The following ELK3 variants were observed in gnomAD, a reference collection of about 807,000 sequenced individuals.
ELK3 encodes ETS domain-containing protein Elk-3.
In ELK3, 10 loss-of-function variants were observed where a neutral mutation model predicts 28.9. That is an observed-to-expected ratio of 0.35 (90% CI 0.21 to 0.59). The LOEUF (loss-of-function observed/expected upper bound fraction) is 0.59. Among genes scored for constraint, ELK3 ranks in the 20% least tolerant of loss-of-function variants. ELK3 has a pLI of 0.82. For missense variants in ELK3, 463 were observed against 517.3 expected, an observed-to-expected ratio of 0.90 and a Z score of 1.02; for synonymous variants, 272 against 243.5, an observed-to-expected ratio of 1.12 and a Z score of -1.09.
intron 1 of ELK3, among the ~76,000 whole-genome samples, chr12:96,222,495 G>C (rs1051754497): frequency 6.6e-6 from 1 of 152,216 alleles, no homozygotes; most frequent in Non-Finnish European, 1.5e-5. Context: ...TGAGTGCCGG[G>C]AAAGGGAAGG....
intron 2 of ELK3, among the ~76,000 whole-genome samples, chr12:96,227,690 C>T (rs1046702265): frequency 8.5e-5 from 13 of 152,306 alleles, no homozygotes; most frequent in Admixed American, 6.5e-4. Context: ...TGCTCCTCCT[C>T]AGAGTGTTCT....
chr12:96,231,805 C>T (rs1360021062), intron 2 of ELK3, among the ~76,000 whole-genome samples: 1 of 152,156 alleles, frequency 6.6e-6, no homozygotes, highest in Non-Finnish European at 1.5e-5. Context: ...ATTATACATC[C>T]ACCTCCAGTT....
intron 1 of ELK3, among the ~76,000 whole-genome samples, chr12:96,205,273 A>G (rs529258420): frequency 8.5e-4 from 130 of 152,358 alleles, no homozygotes; most frequent in Non-Finnish European, 1.4e-3. Flanking sequence ...ATGAACATAC[A>G]GAGAGGGGAC....
intron 3 of ELK3, among the ~76,000 whole-genome samples, chr12:96,257,117 C>T (rs1002586869): frequency 1.3e-5 from 2 of 152,208 alleles, no homozygotes; most frequent in Non-Finnish European, 1.5e-5. Flanking sequence ...TTTGCTGTGG[C>T]TTCTTTAGCC....
Position 96,222,307 on chromosome 12 carries a change from T to C in ELK3, c.-2-1258T>C, listed in dbSNP as rs528264241. 1.1e-4 allele frequency among the ~76,000 whole-genome samples: 16 copies of C among 152,290 alleles called. No homozygotes were observed. In the South Asian group the frequency reaches 3.1e-3, roughly 30 times the overall value. On this transcript the variant is annotated intron_variant, in intron 1 of 4. Coordinates refer to ENST00000228741, the MANE Select transcript of ELK3 (RefSeq NM_005230.4). ...TGGGTCACAATGGATGAGAAAGAGT[T>C]CACCAGGCTCCAAAGCTAAGGAACA...
intron 1 of ELK3, among the ~76,000 whole-genome samples, chr12:96,200,426 GATCTTAA>G (rs1195551960): frequency 1.3e-5 from 2 of 151,966 alleles, no homozygotes; most frequent in Non-Finnish European, 2.9e-5. Flanking sequence ...AAAATGCGCA[GATCTTAA>G]GTGTTATTGT....
chr12:96,236,617 C>T (rs531964746), intron 2 of ELK3, among the ~76,000 whole-genome samples: 33 of 152,252 alleles, frequency 2.2e-4, no homozygotes, highest in Non-Finnish European at 3.5e-4. Context: ...CTCCAAAGTT[C>T]GGCTTTGCAC....
intron 4 of ELK3, among the ~76,000 whole-genome samples, chr12:96,261,661 A>G (rs529913724): frequency 9.2e-4 from 140 of 152,242 alleles, no homozygotes; most frequent in African/African-American, 3.0e-3. Flanking sequence ...TTCTCTCCTT[A>G]CTGGGAATTC....
Position 96,268,294 on chromosome 12 carries a change from C to T in ELK3, c.*1114C>T, listed in dbSNP as rs1347884760. The T allele has an allele frequency of 6.6e-6, 1 of 151,578 alleles. No individual in the cohort carries two copies. The highest frequency in any genetic ancestry group is 1.5e-5 in the Non-Finnish European group (1 of 68,004). The allele number at this position is 151,578 out of a possible 1,614,324, so 9.4% of individuals were successfully genotyped here. A position where few individuals can be genotyped will look rare whatever the true frequency, so the allele number is the denominator to read the frequency against. On this transcript the variant is annotated 3_prime_UTR_variant, in exon 5 of 5. Transcript: ENST00000228741. ...AATAGAGAGTGGAGGTACTAAAGGCCTTGCTTGTGGAAACTGAGAGAGGAT... is the reference window on the plus strand; with the variant it reads ...AATAGAGAGTGGAGGTACTAAAGGCTTTGCTTGTGGAAACTGAGAGAGGAT...
In ELK3 at chr12:96,194,618, C is replaced by T. The variant is rs1204210285; in HGVS notation, c.-90C>T. ...TCTCATTACAAGAGCCACAGACCGT[C>T]TGCAGACGCCTGTCAGCATGGAAAG... On this transcript the variant is annotated 5_prime_UTR_variant, in exon 1 of 5. Coordinates refer to ENST00000228741, the MANE Select transcript of ELK3 (RefSeq NM_005230.4). 6.7e-6 allele frequency: 1 copy of T among 150,266 alleles called. No individual in the cohort carries two copies. The highest frequency in any genetic ancestry group is 2.4e-5 in the African/African-American group (1 of 41,216). The allele number at this position is 150,266 out of a possible 1,614,324, so 9.3% of individuals were successfully genotyped here.
chr12:96,264,031 C>T (rs535141325), intron 4 of ELK3, among the ~76,000 whole-genome samples: 3 of 152,268 alleles, frequency 2.0e-5, no homozygotes, highest in African/African-American at 4.8e-5. Context: ...GGCTGGAGTG[C>T]GGTGGCACAA....
At chr12:96,253,255 G>A (rs1319461972) in intron 3 of ELK3, among the ~76,000 whole-genome samples, 2 of 152,108 alleles carry the variant, frequency 1.3e-5, no homozygotes, top group African/African-American at 4.8e-5. Context: ...AGCGAAACTC[G>A]CATCTCACCA....
At chr12:96,266,524 A>G (rs1447125987) in intron 4 of ELK3, among the ~76,000 whole-genome samples, 3 of 152,210 alleles carry the variant, frequency 2.0e-5, no homozygotes, top group Non-Finnish European at 4.4e-5. Context: ...GATCTGTGTG[A>G]TATTTTAATT....
At chr12:96,228,930 C>A (rs888687023) in intron 2 of ELK3, among the ~76,000 whole-genome samples, 6 of 152,248 alleles carry the variant, frequency 3.9e-5, no homozygotes, top group Admixed American at 3.9e-4. Context: ...AGGTGCTTAG[C>A]ACAGTGTCAG....
intron 2 of ELK3, among the ~76,000 whole-genome samples, chr12:96,226,567 CCCACATGCACACACAGATGT>C (rs1410125535): frequency 3.3e-5 from 5 of 151,652 alleles, no homozygotes; most frequent in South Asian, 2.1e-4. Context: ...CACACCCATG[CCCACATGCACACACAGATGT>C]CCACATGCAC....
Position 96,267,725 on chromosome 12 carries a change from T to A in ELK3, c.*545T>A, listed in dbSNP as rs770435929. 1 of 152,718 alleles carries A rather than the reference T, an allele frequency of 6.5e-6. No homozygotes were observed. The highest frequency in any genetic ancestry group is 1.5e-5 in the Non-Finnish European group (1 of 68,064). The allele number at this position is 152,718 out of a possible 1,614,324, so 9.5% of individuals were successfully genotyped here. A position where few individuals can be genotyped will look rare whatever the true frequency, so the allele number is the denominator to read the frequency against. ...GCATATATCACGTTTTGTTTTACTT[T>A]CAATTGTATAAGAATTGCCTTAGAA... On this transcript the variant is annotated 3_prime_UTR_variant, in exon 5 of 5. Transcript: ENST00000228741.
intron 2 of ELK3, among the ~76,000 whole-genome samples, chr12:96,238,160 A>G (rs767697486): frequency 2.0e-5 from 3 of 152,232 alleles, no homozygotes; most frequent in Non-Finnish European, 4.4e-5. Flanking sequence ...AATAAAATGA[A>G]AAGTGTGATA....
At chr12:96,215,107 T>C (rs1436292752) in intron 1 of ELK3, among the ~76,000 whole-genome samples, 1 of 131,932 alleles carries the variant, frequency 7.6e-6, no homozygotes, top group Non-Finnish European at 1.6e-5. Flanking sequence ...TCTCATTGCC[T>C]TTTTTTTTTT....
chr12:96,232,343 G>T (rs1468362649), intron 2 of ELK3, among the ~76,000 whole-genome samples: 1 of 151,732 alleles, frequency 6.6e-6, no homozygotes, highest in Non-Finnish European at 1.5e-5. Flanking sequence ...GGCCGAGGCG[G>T]GTGGATCCTG....
Sources: allele counts gnomAD v4.1 joint callset (sites outside exome capture counted in the v4.1 genomes callset), GRCh38; gene constraint gnomAD v4.1.1; transcripts MANE v1.5; gene names NCBI Gene and HGNC (gene_info 2026-07-23, HGNC 2026-07-21).